Variants in R3HDM1 observed in about 807,000 individuals in gnomAD.
The protein encoded by R3HDM1 is R3H domain containing 1.
In R3HDM1, 46 loss-of-function variants were observed where a neutral mutation model predicts 141.1. The ratio of observed to expected loss-of-function variants is 0.33; its 90% confidence interval spans 0.26 to 0.42. The LOEUF (loss-of-function observed/expected upper bound fraction) is 0.42, where lower values mean the gene tolerates loss of function less well. Ranked by LOEUF, R3HDM1 falls within the 10% of genes least tolerant of loss-of-function variation. The pLI is 1.00. For missense variants in R3HDM1, 1,184 were observed against 1,368.3 expected (o/e 0.87, Z 2.12); for synonymous variants, 435 against 472.9 (o/e 0.92, Z 1.04).
Position 135,651,439 on chromosome 2 carries a change from A to C in R3HDM1, c.1726-291A>C, listed in dbSNP as rs62168791. 9.4e-3 allele frequency: 9,208 copies of C among 975,568 alleles called. 62 individuals carry two copies. Among genetic ancestry groups the C allele is most frequent in the Admixed American group, 0.028 (449 of 16,244 alleles). The allele number at this position is 975,568 out of a possible 1,614,324, so 60.4% of individuals were successfully genotyped here. ...ACATTCTAATGTTGCTTTCATCTTC[A>C]TTTAAATAAATGTCTTCATTTTTTA... is the stretch of plus-strand genomic sequence containing the variant. On this transcript the variant is annotated intron_variant, in intron 17 of 26. Coordinates refer to ENST00000683871, the MANE Select transcript of R3HDM1 (RefSeq NM_001378107.1).
At chr2:135,673,782 A>C (rs141584965) in intron 19 of R3HDM1, among the ~76,000 whole-genome samples, 2 of 152,330 alleles carry the variant, frequency 1.3e-5, no homozygotes, top group East Asian at 3.9e-4. Context: ...CTTCACTGTT[A>C]AGGGATTCAC....
At chr2:135,656,088 A>G (rs1202238131) in intron 18 of R3HDM1, among the ~76,000 whole-genome samples, 1 of 152,070 alleles carries the variant, frequency 6.6e-6, no homozygotes, top group East Asian at 1.9e-4. Context: ...ATAGTATTTG[A>G]AGCTATATTA....
intron 24 of R3HDM1, among the ~76,000 whole-genome samples, chr2:135,720,053 C>T (rs1025367445): frequency 2.1e-4 from 32 of 152,276 alleles, no homozygotes; most frequent in African/African-American, 6.5e-4. Flanking sequence ...ACCATGTTGG[C>T]CAGGCTGATC....
intron 19 of R3HDM1, among the ~76,000 whole-genome samples, chr2:135,666,656 G>C (rs1271428166): frequency 6.6e-6 from 1 of 152,134 alleles, no homozygotes; most frequent in African/African-American, 2.4e-5. Flanking sequence ...GTTTTTGTTA[G>C]AATTGGTTTT....
intron 9 of R3HDM1, chr2:135,633,733 T>C (rs2062963205): frequency 6.6e-6 from 1 of 152,188 alleles, no homozygotes; most frequent in African/African-American, 2.4e-5. Flanking sequence ...AGTGGTGTTA[T>C]GGATGTCAAC....
intron 1 of R3HDM1, among the ~76,000 whole-genome samples, chr2:135,552,806 C>T (rs927099134): frequency 6.6e-6 from 1 of 152,010 alleles, no homozygotes; most frequent in Non-Finnish European, 1.5e-5. Context: ...ATTGTGCAAA[C>T]CAGGACATAT....
chr2:135,647,912 A>G (rs951258263), intron 16 of R3HDM1, among the ~76,000 whole-genome samples: 1 of 152,172 alleles, frequency 6.6e-6, no homozygotes, highest in South Asian at 2.1e-4. Context: ...CTTCTAGCCC[A>G]CAGTTTTTTT....
At chr2:135,558,958 G>A in intron 1 of R3HDM1, 1 of 928,376 alleles carries the variant, frequency 1.1e-6, no homozygotes, top group Non-Finnish European at 1.3e-6. Context: ...AAGTTTAAAG[G>A]GTTACTACTT....
intron 20 of R3HDM1, among the ~76,000 whole-genome samples, chr2:135,679,066 CTTTTTTTTTTTTTT>C (rs141175748): frequency 8.5e-5 from 6 of 70,590 alleles, no homozygotes; most frequent in East Asian, 5.0e-4. Context: ...GCCCGGCTTT[CTTTTTTTTTTTTTT>C]TTTTTTTTTT....
At chr2:135,695,994 C>A (rs1427122163) in intron 21 of R3HDM1, among the ~76,000 whole-genome samples, 3 of 152,240 alleles carry the variant, frequency 2.0e-5, no homozygotes, top group South Asian at 4.1e-4. Flanking sequence ...ATTCTCAAAC[C>A]AACCACCTGG....
Position 135,675,377 on chromosome 2 carries a change from T to G in R3HDM1, c.2198T>G (p.Val733Gly), listed in dbSNP as rs201906607. The change falls in exon 20 of 27, where the codon GTT (valine) becomes GGT (glycine). Residue 733 changes from valine (V) to glycine (G), a missense_variant. Around this residue, in one of 5 missense-constraint regions of R3HDM1, gnomAD observed 563 missense variants for 562.0 expected, o/e 1.00. Transcript: ENST00000683871. Reference protein sequence around the residue: ...PNQQQNYQGIVGVQQPQSQSL... With the variant: ...PNQQQNYQGIGGVQQPQSQSL... The stretch of plus-strand genomic sequence containing the variant: ...CAGCAGCAAAACTACCAAGGAATAG[T>G]TGGAGTTCAGCAACCCCAGAGTCAG... 6.2e-7 allele frequency: 1 copy of G among 1,613,988 alleles called. No individual in the cohort carries two copies. Among genetic ancestry groups the G allele is most frequent in the East Asian group, 2.2e-5 (1 of 44,866 alleles).
chr2:135,569,718 C>CTTTTTTTTTTTTTTTTTTTTTTTT (rs139858819), intron 1 of R3HDM1, among the ~76,000 whole-genome samples: 1 of 129,346 alleles, frequency 7.7e-6, no homozygotes. Context: ...ATAGTAAGCT[C>CTTTTTTTTTTTTTTTTTTTTTTTT]TTTTTTTTTT....
At chr2:135,578,927 G>A (rs1377652379) in intron 1 of R3HDM1, among the ~76,000 whole-genome samples, 6 of 152,080 alleles carry the variant, frequency 3.9e-5, no homozygotes, top group Admixed American at 6.6e-5. Context: ...ATATGAAGTC[G>A]TGGTTTTTAA....
At position 135,652,037 on chromosome 2, in the gene R3HDM1, A is replaced by C; in HGVS notation, c.2028+5A>C. On this transcript the variant is annotated splice_donor_5th_base_variant and intron_variant, in intron 18 of 26. Transcript: ENST00000683871. ...ATTCAGCAGCCATCACCACAGGTAT[A>C]TTGCTTTTTAACCTTTTCTTTCTTG... 5.8e-6 allele frequency: 9 copies of C among 1,555,584 alleles called. No individual in the cohort carries two copies. The highest frequency in any genetic ancestry group is 7.8e-6 in the Non-Finnish European group (9 of 1,147,954).
intron 7 of R3HDM1, among the ~76,000 whole-genome samples, chr2:135,625,307 G>C (rs913285434): frequency 6.6e-6 from 1 of 151,948 alleles, no homozygotes; most frequent in Non-Finnish European, 1.5e-5. Context: ...AAAATTAGCT[G>C]GGCGGTTCAT....
intron 1 of R3HDM1, among the ~76,000 whole-genome samples, chr2:135,557,393 T>C (rs986045374): frequency 3.5e-4 from 54 of 152,214 alleles, no homozygotes; most frequent in African/African-American, 1.3e-3. Flanking sequence ...CTTTAAATTG[T>C]AAGTGATACA....
At chr2:135,626,188 C>T (rs574007922) in intron 7 of R3HDM1, among the ~76,000 whole-genome samples, 2 of 137,018 alleles carry the variant, frequency 1.5e-5, no homozygotes, top group East Asian at 2.2e-4. Flanking sequence ...TGCTTGCGTG[C>T]GTGCGTGCGT....
intron 19 of R3HDM1, among the ~76,000 whole-genome samples, chr2:135,673,290 A>C (rs1464414255): frequency 6.6e-6 from 1 of 152,196 alleles, no homozygotes; most frequent in African/African-American, 2.4e-5. Flanking sequence ...TGTCATAAGA[A>C]GTTATTATTC....
At chr2:135,668,792 A>C (rs2067901372) in intron 19 of R3HDM1, among the ~76,000 whole-genome samples, 1 of 152,196 alleles carries the variant, frequency 6.6e-6, no homozygotes, top group African/African-American at 2.4e-5. Context: ...AAGCAGCCTG[A>C]CTTTGTGGAG....
Sources: allele counts gnomAD v4.1 joint callset (sites outside exome capture counted in the v4.1 genomes callset), GRCh38; gene constraint gnomAD v4.1.1; regional missense constraint gnomAD v4.1.1; transcripts MANE v1.5; gene names NCBI Gene and HGNC (gene_info 2026-07-23, HGNC 2026-07-21).